Variants in RBP7 observed in about 807,000 individuals in gnomAD.
RBP7 encodes the protein retinoid-binding protein 7.
A neutral mutation model predicts 16.7 loss-of-function variants in RBP7; 13 were observed. The ratio of observed to expected loss-of-function variants is 0.78; its 90% CI spans 0.51 to 1.24. The LOEUF (loss-of-function observed/expected upper bound fraction) is 1.24. RBP7 is among the 50% of genes most tolerant of loss of function. RBP7 has a pLI of 0.00. For synonymous variants in RBP7, 54 were observed against 56.2 expected, an observed-to-expected ratio of 0.96 and a Z score of 0.17; for missense variants, 145 against 159.5, an observed-to-expected ratio of 0.91 and a Z score of 0.49.
chr1:10,011,989 G>T (rs576845317), intron 3 of RBP7, among the ~76,000 whole-genome samples: 1 of 151,914 alleles, frequency 6.6e-6, no homozygotes, highest in African/African-American at 2.4e-5. Context: ...ATCACTTGAG[G>T]TCGGGAGTTT....
In RBP7 at chr1:9,997,292, C is replaced by G; in HGVS notation, c.34C>G (p.Leu12Val). Residue 12 changes from leucine to valine, a missense_variant, in exon 1 of 4, where the codon CTC becomes GTC. Transcript: ENST00000294435. This position sits in a 1 kb window ranked among gnomAD's most constrained non-coding sequence, Gnocchi z 5.9. ...PADLSGTWTL[L>V]SSDNFEGYML... ...CGACCTCAGCGGTACTTGGACCCTGCTCAGCAGCGACAACTTCGAGGGCTA... is the reference window on the plus strand; with the variant it reads ...CGACCTCAGCGGTACTTGGACCCTGGTCAGCAGCGACAACTTCGAGGGCTA... 6.2e-7 allele frequency: 1 copy of G among 1,611,466 alleles called. No individual in the cohort carries two copies. The highest frequency in any genetic ancestry group is 8.5e-7 in the Non-Finnish European group (1 of 1,179,180).
chr1:10,006,983 G>C (rs1371733032), intron 1 of RBP7: 1 of 432,944 alleles, frequency 2.3e-6, no homozygotes, highest in Non-Finnish European at 4.6e-6. Flanking sequence ...GTCTCGCTCT[G>C]TTGCTCAGGC....
chr1:10,007,750 T>C lies in RBP7; in HGVS notation c.252+2T>C. 6.2e-7 allele frequency: 1 copy of C among 1,610,246 alleles called. No individual in the cohort carries two copies. The highest frequency in any genetic ancestry group is 8.5e-7 in the Non-Finnish European group (1 of 1,178,878). On this transcript the variant is annotated splice_donor_variant, in intron 2 of 3. Coordinates refer to ENST00000294435, the MANE Select transcript of RBP7 (RefSeq NM_052960.3). LOFTEE classifies it high-confidence loss of function. ...GGCCTGGACAACAGAAAATGCAAGG[T>C]AAAATGTAAAGAAATGCCAGGTGCG...
chr1:10,014,222 T>C (rs1167303451), intron 3 of RBP7, among the ~76,000 whole-genome samples: 2 of 151,968 alleles, frequency 1.3e-5, no homozygotes, highest in African/African-American at 4.8e-5. Flanking sequence ...AAACATCCAC[T>C]AAAAACTAAA....
Position 10,015,865 on chromosome 1 carries a change from G to T in RBP7, c.*33G>T, listed in dbSNP as rs771994960. On this transcript the variant is annotated 3_prime_UTR_variant, in exon 4 of 4. Transcript: ENST00000294435. Reference sequence around the variant, plus strand: ...CCAGCAGCAGAGCCCACTTGTGGCTGCAGCTTTATGCCAAATTATATTGCA... The same window carrying T: ...CCAGCAGCAGAGCCCACTTGTGGCTTCAGCTTTATGCCAAATTATATTGCA... The T allele has an allele frequency of 1.9e-6, 3 of 1,596,226 alleles. No homozygotes were observed. In the African/African-American group the frequency reaches 4.0e-5, roughly 21 times the overall value.
chr1:9,999,425 G>A (rs1418364489), intron 1 of RBP7, among the ~76,000 whole-genome samples: 4 of 152,048 alleles, frequency 2.6e-5, no homozygotes, highest in East Asian at 1.9e-4. Flanking sequence ...GGTGGCGGGC[G>A]CCTGTAATCC....
At chr1:9,999,424 C>T (rs140573102) in intron 1 of RBP7, among the ~76,000 whole-genome samples, 3,202 of 152,058 alleles carry the variant, frequency 0.021, 107 homozygotes, top group African/African-American at 0.072. Context: ...TGGTGGCGGG[C>T]GCCTGTAATC....
rs1553129444 is a variant in RBP7 at position 9,998,407 on chromosome 1, C to CTTTCTTT, written c.73+1079_73+1080insCTTTTTT. Among the ~76,000 whole-genome samples the CTTTCTTT allele has an allele frequency of 2.0e-4, 24 of 121,566 alleles. 1 individual carries two copies. Among genetic ancestry groups the CTTTCTTT allele is most frequent in the African/African-American group, 5.3e-4 (16 of 29,958 alleles). 79.8% of individuals were successfully genotyped at this position (121,566 alleles called of 152,430 possible). A position where few individuals can be genotyped will look rare whatever the true frequency, so the allele number is the denominator to read the frequency against. ...TCTTTTTTTCTTTCTTTCTTTCTTT[C>CTTTCTTT]TTTTTTTTTTTTTTTTTTGAGACGG... On this transcript the variant is annotated intron_variant, in intron 1 of 3. Coordinates refer to ENST00000294435, the MANE Select transcript of RBP7 (RefSeq NM_052960.3).
intron 1 of RBP7, among the ~76,000 whole-genome samples, chr1:9,999,922 T>C (rs1300328831): frequency 2.0e-5 from 3 of 149,690 alleles, no homozygotes; most frequent in African/African-American, 7.3e-5. Context: ...AATACTATAA[T>C]ACATTTTATC....
chr1:10,002,716 C>A (rs1326767113), intron 1 of RBP7, among the ~76,000 whole-genome samples: 1 of 152,044 alleles, frequency 6.6e-6, no homozygotes, highest in Non-Finnish European at 1.5e-5. Context: ...GTTGGCCAGG[C>A]TGGTCTTGAA....
chr1:10,002,444 T>TA (rs1642304010), intron 1 of RBP7, among the ~76,000 whole-genome samples: 2 of 152,094 alleles, frequency 1.3e-5, no homozygotes, highest in African/African-American at 4.8e-5. Context: ...GTTGAGGTTC[T>TA]AGTAAGTGTG....
chr1:10,006,696 GA>G (rs528143340), intron 1 of RBP7, among the ~76,000 whole-genome samples: 52 of 125,044 alleles, frequency 4.2e-4, no homozygotes, highest in Non-Finnish European at 5.0e-4. Flanking sequence ...CTGTGTCTCG[GA>G]AAAAAAAAAA....
intron 2 of RBP7, 81 bp downstream of exon 2, chr1:10,007,829 C>A: frequency 7.7e-7 from 1 of 1,301,630 alleles, no homozygotes; most frequent in Non-Finnish European, 1.1e-6. Context: ...GGCGGACCAC[C>A]TGAGGTCAGT....
rs201535530 is a variant in RBP7 at position 10,009,402 on chromosome 1, CAA to C, written c.354+1136_354+1137del. Among the ~76,000 whole-genome samples, 10 of 146,056 alleles carry C rather than the reference CAA, an allele frequency of 6.8e-5. No individual in the cohort carries two copies. The East Asian group carries it at 1.2e-3, about 17-fold the overall frequency. On this transcript the variant is annotated intron_variant, in intron 3 of 3. Coordinates refer to ENST00000294435, the MANE Select transcript of RBP7 (RefSeq NM_052960.3). ...TACGGCCTGGTGACAGAGGCCGTTTCAAAAAAAAATAAAACAAAATAAGGGTT... is the reference window on the plus strand; with the variant it reads ...TACGGCCTGGTGACAGAGGCCGTTTCAAAAAAATAAAACAAAATAAGGGTT...
At chr1:10,000,444 G>A (rs890324323) in intron 1 of RBP7, among the ~76,000 whole-genome samples, 14 of 151,764 alleles carry the variant, frequency 9.2e-5, no homozygotes, top group African/African-American at 3.1e-4. Context: ...TGAGGCACGA[G>A]AATCGCTTGA....
intron 1 of RBP7, among the ~76,000 whole-genome samples, chr1:9,999,296 C>T (rs933296713): frequency 5.3e-5 from 8 of 152,084 alleles, no homozygotes; most frequent in Non-Finnish European, 1.5e-5. Context: ...CCTGTAATCC[C>T]AGCACTTTGG....
intron 1 of RBP7, among the ~76,000 whole-genome samples, chr1:10,001,563 T>C (rs1364101817): frequency 1.3e-5 from 2 of 152,090 alleles, no homozygotes; most frequent in African/African-American, 4.8e-5. Context: ...TGCCTCTGCC[T>C]TGCTTGGGTT....
intron 1 of RBP7, among the ~76,000 whole-genome samples, chr1:10,003,477 C>T (rs965298568): frequency 2.0e-5 from 3 of 152,152 alleles, no homozygotes; most frequent in Non-Finnish European, 4.4e-5. Flanking sequence ...ACCCCTTACT[C>T]TGCATGTAAC....
At chr1:10,007,416 C>T (rs978100162) in intron 1 of RBP7, among the ~76,000 whole-genome samples, 154 bp from the exon 2 acceptor site, 2 of 152,026 alleles carry the variant, frequency 1.3e-5, no homozygotes, top group African/African-American at 4.8e-5. Flanking sequence ...TTTGCCAAGA[C>T]GATTCCTTGT....
Sources: allele counts gnomAD v4.1 joint callset (sites outside exome capture counted in the v4.1 genomes callset), GRCh38; gene constraint gnomAD v4.1.1; non-coding constraint Gnocchi (gnomAD v3.1); transcripts MANE v1.5; gene names NCBI Gene and HGNC (gene_info 2026-07-23, HGNC 2026-07-21).